ERLEC1: variants seen among roughly 807,000 people sequenced by gnomAD.
The protein encoded by ERLEC1 is endoplasmic reticulum lectin 1, also known as ER lectin.
Under a neutral mutation model 68.0 loss-of-function variants are expected in ERLEC1, and 47 were observed. The observed-to-expected ratio is 0.69, with a 90% CI of 0.55 to 0.88. ERLEC1 has a LOEUF of 0.88. ERLEC1 is among the 40% of genes least tolerant of loss of function. The pLI is 0.00. For missense variants in ERLEC1, 567 were observed against 583.8 expected (o/e 0.97, Z 0.30); for synonymous variants, 225 against 203.2 (o/e 1.11, Z -0.91).
At position 53,787,533 on chromosome 2, in the gene ERLEC1, G is replaced by T. The variant is rs115479600; in HGVS notation, c.162+161G>T. Reference sequence around the variant, plus strand: ...TTATGCAGCGTTCATTCATTCGTTCGTTCTCACGTTATGTGGATGCGTCCC... The same window carrying T: ...TTATGCAGCGTTCATTCATTCGTTCTTTCTCACGTTATGTGGATGCGTCCC... On this transcript the variant is annotated intron_variant, in intron 1 of 13. Transcript: ENST00000185150. 1,536 of 784,002 alleles carry T rather than the reference G, an allele frequency of 2.0e-3. 19 individuals are homozygous for T. In the African/African-American group the frequency reaches 0.024, roughly 12 times the overall value. The allele number at this position is 784,002 out of a possible 1,614,324, so 48.6% of individuals were successfully genotyped here.
In ERLEC1 at chr2:53,797,521, T is replaced by G. The variant is rs777494693; in HGVS notation, c.355T>G (p.Ser119Ala). Residue 119 changes from serine to alanine, a missense_variant, in exon 4 of 14, where the codon TCT becomes GCT. Transcript: ENST00000185150. ...KQSSCSYRIE[S>A]YWTYEVCHGK... The stretch of plus-strand genomic sequence containing the variant: ...ATATATCCATCTTTTTTAGATTGAG[T>G]CTTATTGGACTTACGAAGTATGTCA... 1.9e-6 allele frequency: 3 copies of G among 1,610,030 alleles called. No homozygotes were observed. Among genetic ancestry groups the G allele is most frequent in the Non-Finnish European group, 2.5e-6 (3 of 1,178,356 alleles).
At chr2:53,796,092 T>C (rs1248163143) in intron 3 of ERLEC1, 79 bp downstream of exon 3, 9 of 1,022,348 alleles carry the variant, frequency 8.8e-6, no homozygotes, top group Admixed American at 5.0e-5. Flanking sequence ...CCGTTTCTTC[T>C]TTATTATGTT....
intron 10 of ERLEC1, among the ~76,000 whole-genome samples, chr2:53,810,617 G>A (rs1676540598): frequency 6.6e-6 from 1 of 152,172 alleles, no homozygotes; most frequent in African/African-American, 2.4e-5. Flanking sequence ...ATAGAAAAGT[G>A]TATATTTGCC....
chr2:53,804,349 C>T (rs1424808628), intron 8 of ERLEC1, among the ~76,000 whole-genome samples: 2 of 152,082 alleles, frequency 1.3e-5, no homozygotes, highest in Non-Finnish European at 2.9e-5. Context: ...TCTTGGCTCA[C>T]TGCAACCTCC....
At chr2:53,798,400 C>T (rs1197999058) in intron 5 of ERLEC1, among the ~76,000 whole-genome samples, 2 of 151,632 alleles carry the variant, frequency 1.3e-5, no homozygotes, top group Non-Finnish European at 2.9e-5. Context: ...TAGCTGGGAC[C>T]ACAGGCACAT....
rs1458244175 is a variant in ERLEC1, at chr2:53,787,269, T to A, written c.59T>A (p.Val20Asp). The change falls in exon 1 of 14, where the codon GTC becomes GAC. Residue 20 changes from valine to aspartate, a missense_variant. By Grantham distance (152) the Val-to-Asp change is radical (BLOSUM62 -3). Transcript: ENST00000185150. ...GTCCCGGGCGGGCCGGTGTTACTGG[T>A]CCTCTGCGGCCTCCTGGAGGCGTCC... ...SLVPGGPVLL[V>D]LCGLLEASGG... is the part of the protein sequence containing the mutation. 6.2e-7 allele frequency: 1 copy of A among 1,608,434 alleles called. No homozygotes were observed. The highest frequency in any genetic ancestry group is 1.1e-5 in the South Asian group (1 of 91,062).
intron 6 of ERLEC1, among the ~76,000 whole-genome samples, chr2:53,800,855 A>T (rs984793305): frequency 2.0e-5 from 3 of 152,142 alleles, no homozygotes; most frequent in Non-Finnish European, 4.4e-5. Flanking sequence ...TGTTAATATT[A>T]AAAACGGGGA....
At chr2:53,816,777 G>A (rs1265365304) in intron 13 of ERLEC1, among the ~76,000 whole-genome samples, 1 of 152,024 alleles carries the variant, frequency 6.6e-6, no homozygotes, top group Non-Finnish European at 1.5e-5. Flanking sequence ...GGTTTTCTCT[G>A]TATTTATCTT....
At chr2:53,817,112 T>C (rs1267415603) in intron 13 of ERLEC1, among the ~76,000 whole-genome samples, 1 of 150,100 alleles carries the variant, frequency 6.7e-6, no homozygotes, top group Non-Finnish European at 1.5e-5. Flanking sequence ...TTGGTTCTTT[T>C]TGTTGTTGTT....
chr2:53,788,538 A>C (rs1406059047), intron 1 of ERLEC1: 1 of 150,200 alleles, frequency 6.7e-6, no homozygotes, highest in African/African-American at 2.4e-5. Flanking sequence ...CTGGGACTAT[A>C]GGGAAATCCC....
chr2:53,799,233 A>G (rs142385556), intron 6 of ERLEC1, 152 bp downstream of exon 6: 4 of 652,724 alleles, frequency 6.1e-6, no homozygotes, highest in Non-Finnish European at 1.0e-5. Context: ...TTTGCAGTAT[A>G]TTCCTTTTTT....
intron 8 of ERLEC1, among the ~76,000 whole-genome samples, chr2:53,803,557 A>ATCCT (rs1200527878): frequency 2.6e-5 from 4 of 151,148 alleles, no homozygotes; most frequent in Non-Finnish European, 5.9e-5. Flanking sequence ...TGAAGCCAGG[A>ATCCT]GTTCAATACC....
At chr2:53,788,540 G>T (rs1675206410) in intron 1 of ERLEC1, 1 of 151,996 alleles carries the variant, frequency 6.6e-6, no homozygotes, top group African/African-American at 2.4e-5. Flanking sequence ...GGGACTATAG[G>T]GAAATCCCAC....
Position 53,801,698 on chromosome 2 carries a change from G to C in ERLEC1, c.750-15G>C, listed in dbSNP as rs767641763. The C allele has an allele frequency of 3.1e-6, 5 of 1,613,750 alleles. No individual in the cohort carries two copies. In the East Asian group the frequency reaches 8.9e-5, roughly 29 times the overall value. On this transcript the variant is annotated splice_polypyrimidine_tract_variant and intron_variant, in intron 7 of 13. Transcript: ENST00000185150. ...GTTCTGTGCATAGCTTTAATGCTTT[G>C]TTCCTACTGAACAGGTTCAGAGCAT...
chr2:53,809,330 CTG>C, intron 10 of ERLEC1, 57 bp downstream of exon 10: 1 of 1,205,600 alleles, frequency 8.3e-7, no homozygotes, highest in African/African-American at 1.6e-5. Context: ...GTTTAAGAAT[CTG>C]TTGTAGAAAA....
chr2:53,796,071 C>A, intron 3 of ERLEC1, 58 bp downstream of exon 3: 1 of 1,150,884 alleles, frequency 8.7e-7, no homozygotes, highest in Non-Finnish European at 1.2e-6. Flanking sequence ...GCCAACAGAC[C>A]TTTGAAAATA....
intron 1 of ERLEC1, chr2:53,787,731 A>G (rs568158441): frequency 9.8e-6 from 2 of 204,202 alleles, no homozygotes; most frequent in East Asian, 1.1e-4. Flanking sequence ...TTACTTCACC[A>G]GCAGACTTCT....
chr2:53,813,600 C>A (rs1471046475), intron 11 of ERLEC1, among the ~76,000 whole-genome samples: 1 of 152,176 alleles, frequency 6.6e-6, no homozygotes, highest in Non-Finnish European at 1.5e-5. Context: ...GTAAGTTAAT[C>A]TCATTTCCCA....
intron 11 of ERLEC1, 135 bp downstream of exon 11, chr2:53,813,208 G>T: frequency 2.8e-6 from 3 of 1,064,564 alleles, no homozygotes; most frequent in Non-Finnish European, 4.0e-6. Context: ...TTTTAGGTTA[G>T]TTTTCTTTTC....
Sources: allele counts gnomAD v4.1 joint callset (sites outside exome capture counted in the v4.1 genomes callset), GRCh38; gene constraint gnomAD v4.1.1; transcripts MANE v1.5; gene names NCBI Gene and HGNC (gene_info 2026-07-23, HGNC 2026-07-21).